PRKN: variants seen among roughly 807,000 people sequenced by gnomAD.
The protein encoded by PRKN is parkin RBR E3 ubiquitin protein ligase, also known as E3 ubiquitin-protein ligase parkin.
A neutral mutation model predicts 59.5 loss-of-function variants in PRKN; 56 were observed. The observed-to-expected ratio is 0.94, with a 90% CI of 0.76 to 1.18. PRKN has a LOEUF of 1.18. PRKN is among the 50% of genes most tolerant of loss of function. The probability of loss-of-function intolerance (pLI) is 0.00; values close to 1 mark genes in which losing one functional copy is unlikely to be tolerated. For synonymous variants in PRKN, 250 were observed against 222.1 expected (o/e 1.13, Z -1.12); for missense variants, 657 against 596.4 (o/e 1.10, Z -1.06).
At chr6:162,094,517 A>AT (rs1475896552) in intron 4 of PRKN, among the ~76,000 whole-genome samples, 2 of 152,056 alleles carry the variant, frequency 1.3e-5, no homozygotes, top group Admixed American at 6.5e-5. Context: ...TAATTAATTA[A>AT]TTAATTTAAT....
At chr6:161,835,561 G>C (rs370346203) in intron 6 of PRKN, among the ~76,000 whole-genome samples, 64 of 152,304 alleles carry the variant, frequency 4.2e-4, no homozygotes, top group African/African-American at 1.4e-3. Context: ...CACTGGCAGC[G>C]GCAAAATGCT....
intron 1 of PRKN, among the ~76,000 whole-genome samples, chr6:162,566,038 T>C (rs1223594403): frequency 1.3e-5 from 2 of 152,134 alleles, no homozygotes; most frequent in Non-Finnish European, 2.9e-5. Flanking sequence ...ATATAAGAAC[T>C]TTAAATATAT....
At chr6:161,909,036 C>T (rs1363088178) in intron 6 of PRKN, among the ~76,000 whole-genome samples, 6 of 152,312 alleles carry the variant, frequency 3.9e-5, no homozygotes, top group South Asian at 2.1e-4. Context: ...CAGGCAGCAA[C>T]GTGAGCCAGT....
At chr6:161,524,218 C>A (rs1940253502) in intron 9 of PRKN, among the ~76,000 whole-genome samples, 1 of 152,110 alleles carries the variant, frequency 6.6e-6, no homozygotes, top group Non-Finnish European at 1.5e-5. Flanking sequence ...GTGGTCCAGT[C>A]TTGTATTTCC....
chr6:161,761,865 A>T (rs895669119), intron 7 of PRKN, among the ~76,000 whole-genome samples: 5 of 152,210 alleles, frequency 3.3e-5, no homozygotes, highest in African/African-American at 1.2e-4. Context: ...ATTTAAGTGG[A>T]TTTATCAAGA....
chr6:161,844,202 G>A (rs1379814086), intron 6 of PRKN, among the ~76,000 whole-genome samples: 7 of 152,130 alleles, frequency 4.6e-5, no homozygotes, highest in Admixed American at 3.9e-4. Flanking sequence ...AACTTTTAAA[G>A]ACTAAAAGAT....
chr6:162,175,185 C>G (rs1033994470), intron 4 of PRKN, among the ~76,000 whole-genome samples: 8 of 152,318 alleles, frequency 5.3e-5, no homozygotes, highest in Middle Eastern at 3.4e-3. Context: ...ATGTTAGCCT[C>G]CAAGTCTCCC....
intron 6 of PRKN, among the ~76,000 whole-genome samples, chr6:161,905,253 CACTA>C (rs763199002): frequency 7.9e-5 from 12 of 152,198 alleles, no homozygotes; most frequent in East Asian, 1.9e-4. Context: ...ACACTCGTGA[CACTA>C]ACTAACTACG....
intron 4 of PRKN, among the ~76,000 whole-genome samples, chr6:162,138,832 C>A (rs912748121): frequency 6.6e-6 from 1 of 151,828 alleles, no homozygotes; most frequent in African/African-American, 2.4e-5. Flanking sequence ...GCAAGAGAAC[C>A]CATTCATAAC....
Position 161,743,386 on chromosome 6 carries a change from TTTTATTTA to T in PRKN, c.871+42378_871+42385del, listed in dbSNP as rs372492770. On this transcript the variant is annotated intron_variant, in intron 7 of 11. Transcript: ENST00000366898. ...AGGCGCCCGCCACCACATCCAGCTT[TTTTATTTA>T]TTTATTTATTTATTTATTTATTTAT... 4.0e-3 allele frequency among the ~76,000 whole-genome samples: 566 copies of T among 140,288 alleles called. 4 individuals are homozygous for T. The highest frequency in any genetic ancestry group is 0.014 in the African/African-American group (514 of 37,798). 92.0% of individuals were successfully genotyped at this position (140,288 alleles called of 152,430 possible).
At chr6:161,989,420 T>G (rs1009494436) in intron 5 of PRKN, among the ~76,000 whole-genome samples, 4 of 151,470 alleles carry the variant, frequency 2.6e-5, no homozygotes, top group African/African-American at 9.7e-5. Context: ...AGCCTGGGGG[T>G]CAACCTACCA....
intron 3 of PRKN, among the ~76,000 whole-genome samples, chr6:162,204,823 T>A (rs1784867120): frequency 6.6e-6 from 1 of 151,708 alleles, no homozygotes; most frequent in Admixed American, 6.6e-5. Context: ...CTTTCTACCA[T>A]TCCTTAGCCT....
chr6:162,484,286 G>C (rs556672575), intron 1 of PRKN, among the ~76,000 whole-genome samples: 1 of 152,164 alleles, frequency 6.6e-6, no homozygotes, highest in Non-Finnish European at 1.5e-5. Context: ...AATGTTAGGT[G>C]AAGAATACGG....
rs559998146 is a variant in PRKN at position 161,385,769 on chromosome 6, G to A, written c.1167+1025C>T. Among the ~76,000 whole-genome samples, 138 of 152,278 alleles carry A rather than the reference G, an allele frequency of 9.1e-4. 1 individual carries two copies. The highest frequency in any genetic ancestry group is 3.1e-3 in the African/African-American group (129 of 41,560). ...TTTGCTGTCAGTACCTGGTAAGCTC[G>A]CGTTTGAATGTCCCTGAGCTAAAAT... On this transcript the variant is annotated intron_variant, in intron 10 of 11. Coordinates refer to ENST00000366898, the MANE Select transcript of PRKN (RefSeq NM_004562.3). The surrounding 1 kb of genome is among the most constrained non-coding windows in gnomAD (Gnocchi z 4.9).
chr6:162,097,924 T>C (rs929386018), intron 4 of PRKN, among the ~76,000 whole-genome samples: 1 of 152,182 alleles, frequency 6.6e-6, no homozygotes, highest in Non-Finnish European at 1.5e-5. Flanking sequence ...CACCAAAGTT[T>C]GTCTTCAAGT....
In PRKN at chr6:161,545,319, C is replaced by G. The variant is rs188152982; in HGVS notation, c.1083+3535G>C. 2 of 1,581,144 alleles carry G rather than the reference C, an allele frequency of 1.3e-6. No individual in the cohort carries two copies. Among genetic ancestry groups the G allele is most frequent in the Admixed American group, 3.6e-5 (2 of 54,980 alleles). On this transcript the variant is annotated intron_variant, in intron 9 of 11. Coordinates refer to ENST00000366898, the MANE Select transcript of PRKN (RefSeq NM_004562.3). The surrounding 1 kb of genome is among the most constrained non-coding windows in gnomAD (Gnocchi z 4.1). ...TTAATGACGTCTAGGGCTTTTTCCA[C>G]ATCTGGAACTCTGTAATTCTTCTAT...
intron 6 of PRKN, among the ~76,000 whole-genome samples, chr6:161,864,151 C>T (rs1160751138): frequency 6.6e-6 from 1 of 152,144 alleles, no homozygotes; most frequent in Non-Finnish European, 1.5e-5. Flanking sequence ...TGAAAGATTT[C>T]TCTGTAGCAT....
chr6:161,988,128 C>T (rs1356595897), intron 5 of PRKN, among the ~76,000 whole-genome samples: 10 of 152,268 alleles, frequency 6.6e-5, no homozygotes, highest in African/African-American at 2.4e-4. Flanking sequence ...CCCGGCCTTC[C>T]ATCACTGTTG....
intron 1 of PRKN, among the ~76,000 whole-genome samples, chr6:162,496,352 T>C (rs1179994274): frequency 1.3e-5 from 2 of 152,196 alleles, no homozygotes; most frequent in African/African-American, 2.4e-5. Context: ...TTCTTTGTAA[T>C]GGATTTTACA....
Sources: gnomAD v4.1 joint callset for allele counts (sites outside exome capture counted in the v4.1 genomes callset) on GRCh38, gnomAD v4.1.1 for gene constraint, Gnocchi (gnomAD v3.1) non-coding constraint, MANE v1.5 for transcripts, NCBI Gene and HGNC (gene_info 2026-07-23, HGNC 2026-07-21) for gene names.